EPHA8: variants seen among roughly 807,000 people sequenced by gnomAD.
EPHA8 encodes EPH receptor A8, also known as ephrin type-A receptor 8.
A neutral mutation model predicts 103.6 loss-of-function variants in EPHA8; 58 were observed. The observed-to-expected ratio is 0.56, with a 90% CI of 0.45 to 0.70. The LOEUF (loss-of-function observed/expected upper bound fraction) is 0.70, where lower values mean the gene tolerates loss of function less well. EPHA8 is among the 30% of genes least tolerant of loss of function. The pLI, the probability that EPHA8 is intolerant of heterozygous loss-of-function variation, is 0.00. For synonymous variants in EPHA8, 559 were observed against 572.5 expected (o/e 0.98, Z 0.34); for missense variants, 1,304 against 1,395.2 (o/e 0.93, Z 1.04).
At chr1:22,601,521 G>A in intron 16 of EPHA8, 48 bp downstream of exon 16, 1 of 1,603,464 alleles carries the variant, frequency 6.2e-7, no homozygotes, top group East Asian at 2.2e-5. Flanking sequence ...GGGCAGGGGG[G>A]GGGACCCCTG....
In EPHA8 at chr1:22,586,519, A is replaced by G. The variant is rs368255315; in HGVS notation, c.863A>G (p.Gln288Arg). 6.2e-7 allele frequency: 1 copy of G among 1,613,456 alleles called. No individual in the cohort carries two copies. Among genetic ancestry groups the G allele is most frequent in the African/African-American group, 1.3e-5 (1 of 74,836 alleles). The stretch of plus-strand genomic sequence containing the variant: ...TTCTACAAGTCAGCCCCTGGGGACC[A>G]GCTGTGTGCCCGCTGCCCTCCCCAC... The part of the protein sequence containing the change: ...LGFYKSAPGD[Q>R]LCARCPPHSH... The change falls in exon 4 of 17, where the codon CAG (glutamine) becomes CGG (arginine). Residue 288 changes from glutamine to arginine, a missense_variant. Physicochemically the swap from Gln to Arg is conservative, Grantham distance 43. Transcript: ENST00000166244.
At chr1:22,571,454 T>G (rs1640542304) in intron 2 of EPHA8, among the ~76,000 whole-genome samples, 3 of 152,172 alleles carry the variant, frequency 2.0e-5, no homozygotes, top group Non-Finnish European at 1.5e-5. Context: ...AACTTGGGTC[T>G]CTCTGGGCCC....
intron 3 of EPHA8, among the ~76,000 whole-genome samples, chr1:22,579,507 G>T (rs1223635240): frequency 6.6e-6 from 1 of 152,074 alleles, no homozygotes; most frequent in Non-Finnish European, 1.5e-5. Context: ...GTGTGCGCAT[G>T]TGTGTGTGCA....
Position 22,601,491 on chromosome 1 carries a change from C to T in EPHA8, c.2903+18C>T, listed in dbSNP as rs747736970. The T allele has an allele frequency of 5.6e-6, 9 of 1,604,888 alleles. No homozygotes were observed. The highest frequency in any genetic ancestry group is 6.8e-6 in the Non-Finnish European group (8 of 1,176,700). On this transcript the variant is annotated intron_variant, in intron 16 of 16. Transcript: ENST00000166244. ...AACGCCCAGTGAGTGATGGGTGGGG[C>T]TGGGGCCCCATGCGTGTGGGGGCAG...
chr1:22,575,321 G>A (rs1468373601), intron 2 of EPHA8, among the ~76,000 whole-genome samples: 1 of 152,142 alleles, frequency 6.6e-6, no homozygotes, highest in Admixed American at 6.5e-5. Context: ...GTTTTGATTT[G>A]TATTTCCCTA....
intron 3 of EPHA8, among the ~76,000 whole-genome samples, chr1:22,585,603 A>C (rs1328693981): frequency 6.6e-6 from 1 of 152,186 alleles, no homozygotes; most frequent in Non-Finnish European, 1.5e-5. Flanking sequence ...CCTGGTCCAG[A>C]GTTGTGCTCA....
At chr1:22,583,134 C>T (rs1641091848) in intron 3 of EPHA8, among the ~76,000 whole-genome samples, 1 of 152,176 alleles carries the variant, frequency 6.6e-6, no homozygotes, top group Admixed American at 6.5e-5. Flanking sequence ...GGTCAGGAGC[C>T]CCTCCTGGCT....
intron 6 of EPHA8, 25 bp from the exon 7 acceptor site, chr1:22,593,499 C>A (rs572355548): frequency 6.2e-7 from 1 of 1,609,970 alleles, no homozygotes; most frequent in Non-Finnish European, 8.5e-7. Context: ...CAGGGCAGGG[C>A]CCACTGACCA....
intron 3 of EPHA8, among the ~76,000 whole-genome samples, chr1:22,581,150 C>A (rs1039434449): frequency 6.6e-6 from 1 of 152,184 alleles, no homozygotes; most frequent in African/African-American, 2.4e-5. Flanking sequence ...GGTCCCTCAA[C>A]TTAAGTAGCA....
intron 5 of EPHA8, among the ~76,000 whole-genome samples, chr1:22,590,945 A>G (rs1220083146): frequency 6.6e-6 from 1 of 151,826 alleles, no homozygotes; most frequent in Non-Finnish European, 1.5e-5. Context: ...TGCATGTCAC[A>G]TCCATCCCCC....
Position 22,589,289 on chromosome 1 carries a change from C to A in EPHA8, c.1315+83C>A, listed in dbSNP as rs756141499. 2 of 1,613,222 alleles carry A rather than the reference C, an allele frequency of 1.2e-6. No homozygotes were observed. The highest frequency in any genetic ancestry group is 1.7e-5 in the Admixed American group (1 of 60,004). On this transcript the variant is annotated intron_variant, in intron 5 of 16. Coordinates refer to ENST00000166244, the MANE Select transcript of EPHA8 (RefSeq NM_020526.5). The surrounding 1 kb of genome is among the most constrained non-coding windows in gnomAD (Gnocchi z 4.3). Reference sequence around the variant, plus strand: ...ACCCATCCAGGGATCAGAGCTCTGCCGGGGACGTGCTGTGGGCCTTTAGGC... The same window carrying A: ...ACCCATCCAGGGATCAGAGCTCTGCAGGGGACGTGCTGTGGGCCTTTAGGC...
intron 5 of EPHA8, among the ~76,000 whole-genome samples, chr1:22,590,628 C>A (rs490369): frequency 6.6e-6 from 1 of 152,112 alleles, no homozygotes; most frequent in Non-Finnish European, 1.5e-5. Flanking sequence ...GTCTTTGTAG[C>A]CCCACCTCCT....
At chr1:22,590,847 G>A (rs1459567544) in intron 5 of EPHA8, among the ~76,000 whole-genome samples, 1 of 152,046 alleles carries the variant, frequency 6.6e-6, no homozygotes, top group African/African-American at 2.4e-5. Context: ...ATTCGGTTAT[G>A]TGAAAAACAA....
chr1:22,597,344 C>T lies in EPHA8; in HGVS notation c.1798C>T (p.Pro600Ser), dbSNP rs202243952. Residue 600 changes from proline to serine, a missense_variant, in exon 10 of 17, where the codon CCC (proline) becomes TCC (serine). Physicochemically the swap from Pro to Ser is moderately conservative, Grantham distance 74. Coordinates refer to ENST00000166244, the MANE Select transcript of EPHA8 (RefSeq NM_020526.5). This position sits in a 1 kb window ranked among gnomAD's most constrained non-coding sequence, Gnocchi z 4.6. Reference sequence around the variant, plus strand: ...ACCTGTCTTCCTGCCTCTGCATCACCCCCCGGGAAAGCTCCCAGAGCCCCA... The same window carrying T: ...ACCTGTCTTCCTGCCTCTGCATCACTCCCCGGGAAAGCTCCCAGAGCCCCA... ...PPPVFLPLHH[P>S]PGKLPEPQFY... 177 of 1,610,644 alleles carry T rather than the reference C, an allele frequency of 1.1e-4. No individual in the cohort carries two copies. The highest frequency in any genetic ancestry group is 1.4e-4 in the Non-Finnish European group (166 of 1,178,198).
rs757472636 is a variant in EPHA8, at chr1:22,597,759, G to T, written c.2014G>T (p.Gly672Cys). Residue 672 changes from glycine (G) to cysteine (C), a missense_variant, in exon 11 of 17, where the codon GGC becomes TGC. Coordinates refer to ENST00000166244, the MANE Select transcript of EPHA8 (RefSeq NM_020526.5). The surrounding 1 kb of genome is among the most constrained non-coding windows in gnomAD (Gnocchi z 4.6). ...VPVAIKALKAGYTERQRRDFL... is the reference protein window; with the variant it reads ...VPVAIKALKACYTERQRRDFL... ...CGTGGCCATCAAGGCCCTCAAAGCC[G>T]GCTACACGGAGAGACAGAGGCGGGA... The T allele has an allele frequency of 6.2e-7, 1 of 1,613,232 alleles. No homozygotes were observed. Among genetic ancestry groups the T allele is most frequent in the Non-Finnish European group, 8.5e-7 (1 of 1,180,000 alleles).
chr1:22,595,236 G>A lies in EPHA8; in HGVS notation c.1610G>A (p.Arg537His), dbSNP rs61751024. 368 of 1,609,664 alleles carry A rather than the reference G, an allele frequency of 2.3e-4. No homozygotes were observed. In the African/African-American group the frequency reaches 3.4e-3, roughly 15 times the overall value. The change falls in exon 8 of 17, where the codon CGC becomes CAC. Residue 537 changes from arginine to histidine, a missense_variant. Transcript: ENST00000166244. ...CCCTGGCTTTCCCCTGCAGGGCCCCGCTATGACACCAGGACCATTGTCTGG... is the reference window on the plus strand; with the variant it reads ...CCCTGGCTTTCCCCTGCAGGGCCCCACTATGACACCAGGACCATTGTCTGG... Reference protein sequence around the residue: ...MEVETGKPRPRYDTRTIVWIC... With the variant: ...MEVETGKPRPHYDTRTIVWIC...
chr1:22,600,506 G>A (rs752116310), intron 13 of EPHA8, among the ~76,000 whole-genome samples, 155 bp from the exon 14 acceptor site: 21 of 152,012 alleles, frequency 1.4e-4, no homozygotes, highest in Non-Finnish European at 2.6e-4. Context: ...CTCTTGTGAG[G>A]CCTCCCTCAG....
At chr1:22,565,209 A>G (rs1327463882) in intron 1 of EPHA8, among the ~76,000 whole-genome samples, 2 of 152,336 alleles carry the variant, frequency 1.3e-5, no homozygotes, top group South Asian at 4.1e-4. Flanking sequence ...GTTTGCATCC[A>G]TGCCCACGGA....
intron 1 of EPHA8, among the ~76,000 whole-genome samples, chr1:22,564,911 A>C (rs750489785): frequency 5.9e-5 from 9 of 152,084 alleles, no homozygotes; most frequent in Non-Finnish European, 1.3e-4. Flanking sequence ...CCACGCCCAG[A>C]CAGATCACAC....
Sources: gnomAD v4.1 joint callset for allele counts (sites outside exome capture counted in the v4.1 genomes callset) on GRCh38, gnomAD v4.1.1 for gene constraint, Gnocchi (gnomAD v3.1) non-coding constraint, MANE v1.5 for transcripts, NCBI Gene and HGNC (gene_info 2026-07-23, HGNC 2026-07-21) for gene names.